Variants in TENM1 observed in about 807,000 individuals in gnomAD.
The protein encoded by TENM1 is teneurin transmembrane protein 1, also known as teneurin-1.
Under a neutral mutation model 174.8 loss-of-function variants are expected in TENM1, and 35 were observed. The observed-to-expected ratio is 0.20, with a 90% confidence interval of 0.15 to 0.27. TENM1 has a LOEUF of 0.27. Among genes scored for constraint, TENM1 ranks in the 10% least tolerant of loss-of-function variants. TENM1 has a pLI of 1.00. For missense variants in TENM1, 1,633 were observed against 2,130.1 expected (o/e 0.77, Z 4.59); for synonymous variants, 781 against 798.7 (o/e 0.98, Z 0.37).
chrX:124,597,477 T>C (rs966896563), intron 11 of TENM1, among the ~76,000 whole-genome samples: 1 of 110,579 alleles, frequency 9.0e-6, no homozygotes, highest in Non-Finnish European at 1.9e-5. Flanking sequence ...GATATGAGGA[T>C]GCAAACGCAC....
intron 23 of TENM1, among the ~76,000 whole-genome samples, chrX:124,448,951 C>A (rs1207955349): frequency 9.0e-6 from 1 of 111,054 alleles, no homozygotes; most frequent in African/African-American, 3.3e-5. Context: ...AGAAGTAGGC[C>A]TTTAATAAAG....
chrX:124,511,202 C>T (rs1037945584), intron 18 of TENM1, among the ~76,000 whole-genome samples: 2 of 112,023 alleles, frequency 1.8e-5, no homozygotes, highest in Non-Finnish European at 3.8e-5. Flanking sequence ...CATTTATTAA[C>T]GTTGATTTTC....
At chrX:124,898,766 T>C (rs1466375682) in intron 1 of TENM1, among the ~76,000 whole-genome samples, 1 of 112,005 alleles carries the variant, frequency 8.9e-6, no homozygotes. Context: ...ATGGATTTGC[T>C]CCCTTCTAAG....
intron 28 of TENM1, among the ~76,000 whole-genome samples, chrX:124,388,926 A>G (rs2060252732): frequency 8.9e-6 from 1 of 112,407 alleles, no homozygotes; most frequent in African/African-American, 3.2e-5. Flanking sequence ...ATGCATTTTA[A>G]AAATGAAGTT....
At chrX:124,735,511 A>G (rs760151732) in intron 4 of TENM1, among the ~76,000 whole-genome samples, 4 of 112,554 alleles carry the variant, frequency 3.6e-5, no homozygotes, top group South Asian at 7.4e-4. Context: ...GGGAATAAAA[A>G]TTAACACAAC....
the TENM1 span, among the ~76,000 whole-genome samples, chrX:124,989,780 A>T: frequency 9.0e-6 from 1 of 110,783 alleles, no homozygotes; most frequent in Non-Finnish European, 1.9e-5. Context: ...GACATATGAG[A>T]TATATTTATT....
At chrX:124,404,913 T>C in intron 27 of TENM1, 118 bp downstream of exon 30, 1 of 637,582 alleles carries the variant, frequency 1.6e-6, no homozygotes, top group Non-Finnish European at 2.5e-6. Context: ...TAGAAAAGCT[T>C]TGGAGAAATG....
At chrX:124,973,877 G>A in the TENM1 span, among the ~76,000 whole-genome samples, 6 of 111,770 alleles carry the variant, frequency 5.4e-5, no homozygotes, top group African/African-American at 1.3e-4. Context: ...CAAACACTGC[G>A]TGTTCTCACT....
the TENM1 span, among the ~76,000 whole-genome samples, chrX:125,136,385 T>C: frequency 8.9e-6 from 1 of 111,993 alleles, no homozygotes; most frequent in Non-Finnish European, 1.9e-5. Flanking sequence ...TATTTTGATA[T>C]ATACTTTCAC....
At chrX:124,716,855 A>G (rs1018134108) in intron 4 of TENM1, among the ~76,000 whole-genome samples, 6 of 111,473 alleles carry the variant, frequency 5.4e-5, no homozygotes, top group African/African-American at 2.0e-4. Flanking sequence ...GAACGCACTG[A>G]GTATGCAGGA....
At chrX:124,619,507 AC>A (rs2050468682) in intron 11 of TENM1, among the ~76,000 whole-genome samples, 1 of 111,851 alleles carries the variant, frequency 8.9e-6, no homozygotes, top group Non-Finnish European at 1.9e-5. Flanking sequence ...TTGTTCCTAA[AC>A]CTTTTTTCTA....
At chrX:124,941,942 G>A (rs180867284) in intron 1 of TENM1, among the ~76,000 whole-genome samples, 51 of 111,454 alleles carry the variant, frequency 4.6e-4, no homozygotes, top group African/African-American at 1.5e-3. Flanking sequence ...CCAAGTGAAA[G>A]GGTTTTCCTC....
intron 3 of TENM1, among the ~76,000 whole-genome samples, chrX:124,763,098 G>A (rs1319374567): frequency 9.0e-6 from 1 of 111,620 alleles, no homozygotes; most frequent in East Asian, 2.8e-4. Flanking sequence ...TGGGAGGAGG[G>A]TAAGCACATG....
At chrX:124,848,935 G>A (rs928527419) in intron 3 of TENM1, among the ~76,000 whole-genome samples, 1 of 111,412 alleles carries the variant, frequency 9.0e-6, no homozygotes, top group Non-Finnish European at 1.9e-5. Context: ...AGGAGGAGGT[G>A]CAGAATAAAT....
the TENM1 span, among the ~76,000 whole-genome samples, chrX:125,120,433 G>C: frequency 1.8e-5 from 2 of 110,720 alleles, no homozygotes; most frequent in African/African-American, 6.6e-5. Flanking sequence ...ATTAAGCCCA[G>C]CATGCATCAG....
rs1027142002 is a variant in TENM1 at position 124,838,067 on chromosome X, A to C, written c.535+56229T>G. On this transcript the variant is annotated intron_variant, in intron 3 of 31. Transcript: ENST00000422452. ...CAGCTCTCAGACTTGTGAGAAGAGC[A>C]GTCCTCTAGCTAGACAGAGATTCTT... 5.3e-5 allele frequency among the ~76,000 whole-genome samples: 6 copies of C among 112,640 alleles called. No individual in the cohort carries two copies. The Admixed American group carries it at 5.6e-4, about 11-fold the overall frequency.
the TENM1 span, among the ~76,000 whole-genome samples, chrX:125,051,644 T>C: frequency 1.2e-4 from 12 of 103,921 alleles, no homozygotes; most frequent in African/African-American, 4.2e-4. Context: ...TAGCCATATG[T>C]AGAAAGCTGA....
chrX:124,657,518 C>A (rs1947219833), intron 6 of TENM1, among the ~76,000 whole-genome samples: 1 of 111,796 alleles, frequency 8.9e-6, no homozygotes, highest in African/African-American at 3.3e-5. Context: ...ATCAAGACTC[C>A]ATTATATCTA....
chrX:124,932,074 T>G (rs925706027), intron 1 of TENM1, among the ~76,000 whole-genome samples: 2 of 111,705 alleles, frequency 1.8e-5, no homozygotes, highest in Non-Finnish European at 3.8e-5. Flanking sequence ...CAGAGAATAT[T>G]TAAGGCCAAT....
Sources: allele counts gnomAD v4.1 joint callset (sites outside exome capture counted in the v4.1 genomes callset), GRCh38; gene constraint gnomAD v4.1.1; transcripts MANE v1.5; gene names NCBI Gene and HGNC (gene_info 2026-07-23, HGNC 2026-07-21).